Variants in PRKG1 observed in about 807,000 individuals in gnomAD.
PRKG1 encodes cGMP-dependent protein kinase 1.
A neutral mutation model predicts 88.1 loss-of-function variants in PRKG1; 35 were observed. The observed-to-expected ratio is 0.40, with a 90% CI of 0.30 to 0.53. The LOEUF (loss-of-function observed/expected upper bound fraction) is 0.53. Among genes scored for constraint, PRKG1 ranks in the 20% least tolerant of loss-of-function variants. The pLI, the probability that PRKG1 is intolerant of heterozygous loss-of-function variation, is 0.59. For synonymous variants in PRKG1, 303 were observed against 292.5 expected (o/e 1.04, Z -0.37); for missense variants, 540 against 839.8 (o/e 0.64, Z 4.41).
chr10:51,813,468 TTGAG>T (rs1839507771), intron 4 of PRKG1, among the ~76,000 whole-genome samples: 1 of 152,170 alleles, frequency 6.6e-6, no homozygotes. Context: ...TAAAAATTTA[TTGAG>T]TGTGTGCCAA....
intron 4 of PRKG1, among the ~76,000 whole-genome samples, chr10:51,882,126 T>C (rs1182504414): frequency 1.3e-5 from 2 of 152,214 alleles, no homozygotes; most frequent in Admixed American, 1.3e-4. Flanking sequence ...AATCCACTCC[T>C]TGATACAGTT....
chr10:51,925,735 G>T (rs919138968), intron 5 of PRKG1, among the ~76,000 whole-genome samples: 1 of 152,154 alleles, frequency 6.6e-6, no homozygotes, highest in Non-Finnish European at 1.5e-5. Context: ...GGATAAAACT[G>T]ATGGAAGTGT....
intron 2 of PRKG1, among the ~76,000 whole-genome samples, chr10:51,458,456 T>C (rs1839653391): frequency 6.6e-6 from 1 of 151,846 alleles, no homozygotes; most frequent in African/African-American, 2.4e-5. Flanking sequence ...CAACCAGATA[T>C]GGTATGAATT....
intron 3 of PRKG1, among the ~76,000 whole-genome samples, chr10:51,683,090 A>G (rs933765750): frequency 2.0e-5 from 3 of 152,218 alleles, no homozygotes; most frequent in African/African-American, 7.2e-5. Context: ...TTTATAGTAA[A>G]TAGATCACAG....
chr10:52,263,130 A>G (rs1011295889), intron 10 of PRKG1, among the ~76,000 whole-genome samples: 1 of 152,042 alleles, frequency 6.6e-6, no homozygotes, highest in African/African-American at 2.4e-5. Context: ...AAGACTTTTA[A>G]ATTTAGGTTT....
intron 3 of PRKG1, among the ~76,000 whole-genome samples, chr10:51,545,292 A>T (rs1232484890): frequency 6.6e-6 from 1 of 152,098 alleles, no homozygotes; most frequent in Non-Finnish European, 1.5e-5. Flanking sequence ...CTCTACCTAC[A>T]TTTGAAAGGA....
chr10:51,001,204 C>A (rs956483195), intron 1 of PRKG1, among the ~76,000 whole-genome samples: 4 of 152,204 alleles, frequency 2.6e-5, no homozygotes, highest in African/African-American at 9.6e-5. Flanking sequence ...CTGGGGCACC[C>A]ACTTCCATCC....
chr10:51,940,764 C>A (rs922900449), intron 5 of PRKG1, among the ~76,000 whole-genome samples: 1 of 151,918 alleles, frequency 6.6e-6, no homozygotes, highest in Non-Finnish European at 1.5e-5. Flanking sequence ...CTTTCGTCTT[C>A]TTCTCTCTCT....
chr10:51,420,003 G>C (rs963186057), intron 2 of PRKG1, among the ~76,000 whole-genome samples: 1 of 152,056 alleles, frequency 6.6e-6, no homozygotes, highest in Admixed American at 6.6e-5. Flanking sequence ...CAGAATAAAA[G>C]AAAATGAAAG....
chr10:51,497,467 A>C (rs1840892033), intron 3 of PRKG1, among the ~76,000 whole-genome samples: 1 of 152,212 alleles, frequency 6.6e-6, no homozygotes, highest in Non-Finnish European at 1.5e-5. Flanking sequence ...TAATGAAAAA[A>C]ATCAGACTAT....
At chr10:51,421,664 C>T (rs1273159781) in intron 2 of PRKG1, among the ~76,000 whole-genome samples, 3 of 152,116 alleles carry the variant, frequency 2.0e-5, no homozygotes, top group Admixed American at 2.0e-4. Flanking sequence ...TGCTTTGGTG[C>T]CCTCTCCAGA....
At chr10:52,103,653 G>C (rs1309667063) in intron 7 of PRKG1, among the ~76,000 whole-genome samples, 1 of 151,994 alleles carries the variant, frequency 6.6e-6, no homozygotes, top group Non-Finnish European at 1.5e-5. Flanking sequence ...AAATTTTGAG[G>C]AGTCAAAAGA....
At chr10:51,588,890 A>G (rs1838238136) in intron 3 of PRKG1, among the ~76,000 whole-genome samples, 1 of 150,198 alleles carries the variant, frequency 6.7e-6, no homozygotes, top group African/African-American at 2.5e-5. Flanking sequence ...CCAAGAATAC[A>G]GTTACTTCCC....
chr10:51,581,012 G>C (rs183455985), intron 3 of PRKG1, among the ~76,000 whole-genome samples: 41 of 152,138 alleles, frequency 2.7e-4, no homozygotes, highest in East Asian at 5.8e-4. Flanking sequence ...GTCCAGGGGG[G>C]GGTCACTGCC....
At chr10:52,258,902 G>A (rs1259931010) in intron 10 of PRKG1, among the ~76,000 whole-genome samples, 4 of 151,994 alleles carry the variant, frequency 2.6e-5, no homozygotes, top group Non-Finnish European at 4.4e-5. Flanking sequence ...CCAGGCAGTG[G>A]AGAATAGGTT....
At chr10:51,739,371 T>G (rs912071649) in intron 3 of PRKG1, among the ~76,000 whole-genome samples, 6 of 152,234 alleles carry the variant, frequency 3.9e-5, no homozygotes, top group African/African-American at 1.4e-4. Flanking sequence ...TTGTCATTCA[T>G]CTTGATACTA....
rs185927436 is a variant in PRKG1, at chr10:51,144,253, T to C, written c.312-8911T>C. 5.1e-3 allele frequency among the ~76,000 whole-genome samples: 770 copies of C among 152,254 alleles called. 3 individuals are homozygous for C. The highest frequency in any genetic ancestry group is 0.017 in the African/African-American group (723 of 41,562). On this transcript the variant is annotated intron_variant, in intron 1 of 17. Transcript: ENST00000373980. ...TGGAACATTTGCTTTTGGATTTTTA[T>C]AAGTGGAATAATTTATTCAAATTGT... is the stretch of plus-strand genomic sequence containing the variant.
At chr10:51,682,994 A>G (rs1235110161) in intron 3 of PRKG1, among the ~76,000 whole-genome samples, 2 of 152,206 alleles carry the variant, frequency 1.3e-5, no homozygotes, top group African/African-American at 2.4e-5. Flanking sequence ...AAAATAAATA[A>G]TTCCTTTCAT....
rs185615850 is a variant in PRKG1 at position 51,179,653 on chromosome 10, C to T, written c.478+26323C>T. ...ATTCCTCCTTCTTAATCAGGAGTTA[C>T]GGATTATGGACAAATAACCCTTACC... On this transcript the variant is annotated intron_variant, in intron 2 of 17. Transcript: ENST00000373980. Among the ~76,000 whole-genome samples, 373 of 152,292 alleles carry T rather than the reference C, an allele frequency of 2.4e-3. 2 individuals are homozygous for T. Among genetic ancestry groups the T allele is most frequent in the African/African-American group, 8.5e-3 (355 of 41,570 alleles).
Sources: allele counts gnomAD v4.1 joint callset (sites outside exome capture counted in the v4.1 genomes callset), GRCh38; gene constraint gnomAD v4.1.1; transcripts MANE v1.5; gene names NCBI Gene and HGNC (gene_info 2026-07-23, HGNC 2026-07-21).